Variants in BBS9 observed in about 807,000 individuals in gnomAD.
BBS9 encodes the protein protein PTHB1.
In BBS9, 89 loss-of-function variants were observed where a neutral mutation model predicts 117.7. The ratio of observed to expected loss-of-function variants is 0.76; its 90% CI spans 0.64 to 0.90. The LOEUF is 0.90. Ranked by LOEUF, BBS9 falls within the 40% of genes least tolerant of loss-of-function variation. BBS9 has a pLI of 0.00. For synonymous variants in BBS9, 379 were observed against 370.9 expected (o/e 1.02, Z -0.25); for missense variants, 982 against 1,042.2 (o/e 0.94, Z 0.80).
intron 21 of BBS9, among the ~76,000 whole-genome samples, chr7:33,564,550 C>T (rs1391595960): frequency 6.6e-6 from 1 of 152,122 alleles, no homozygotes; most frequent in Non-Finnish European, 1.5e-5. Context: ...GGGAAATGTT[C>T]AATTCACGAT....
chr7:33,601,940 A>T (rs1349343417), intron 21 of BBS9, among the ~76,000 whole-genome samples: 1 of 152,126 alleles, frequency 6.6e-6, no homozygotes, highest in Non-Finnish European at 1.5e-5. Flanking sequence ...GTGCTTTCAG[A>T]TGGATGGCCA....
At chr7:33,186,822 T>G (rs1783211832) in intron 5 of BBS9, among the ~76,000 whole-genome samples, 2 of 152,198 alleles carry the variant, frequency 1.3e-5, no homozygotes. Flanking sequence ...TTAGTTTATC[T>G]TTGTTTTTTA....
chr7:33,492,221 AAAAC>A (rs1563251750), intron 19 of BBS9, among the ~76,000 whole-genome samples: 16 of 148,500 alleles, frequency 1.1e-4, no homozygotes, highest in African/African-American at 4.0e-4. Context: ...AAACAAAAAA[AAAAC>A]AAAAAAAAAA....
intron 21 of BBS9, among the ~76,000 whole-genome samples, chr7:33,618,499 A>G (rs1865253299): frequency 6.6e-6 from 1 of 152,184 alleles, no homozygotes; most frequent in Non-Finnish European, 1.5e-5. Context: ...AAATTAAAAG[A>G]CAAAAGTAAT....
At chr7:33,152,603 T>A (rs1793508744) in intron 2 of BBS9, 98 bp from the exon 3 acceptor site, 1 of 1,191,546 alleles carries the variant, frequency 8.4e-7, no homozygotes, top group East Asian at 2.5e-5. Flanking sequence ...TTCTTTTAAT[T>A]TTTAGATTTC....
intron 21 of BBS9, among the ~76,000 whole-genome samples, chr7:33,582,865 C>T (rs530352236): frequency 2.0e-5 from 3 of 152,216 alleles, no homozygotes; most frequent in East Asian, 1.9e-4. Context: ...TGGTGTTGCA[C>T]GTCTGCTCAG....
At chr7:33,524,493 G>A (rs372390057) in intron 20 of BBS9, among the ~76,000 whole-genome samples, 52 of 152,198 alleles carry the variant, frequency 3.4e-4, no homozygotes, top group Admixed American at 1.1e-3. Flanking sequence ...TGTATGTGTC[G>A]AGGAATTTAT....
chr7:33,292,804 G>A (rs1165818052), intron 9 of BBS9, among the ~76,000 whole-genome samples: 4 of 151,964 alleles, frequency 2.6e-5, no homozygotes, highest in East Asian at 3.9e-4. Context: ...TCAGGACTTC[G>A]AGACCAGCCT....
intron 20 of BBS9, among the ~76,000 whole-genome samples, chr7:33,524,599 C>T (rs1372852167): frequency 6.6e-6 from 1 of 151,894 alleles, no homozygotes; most frequent in East Asian, 1.9e-4. Context: ...GGTGATATCC[C>T]CTTTATCATT....
intron 19 of BBS9, among the ~76,000 whole-genome samples, chr7:33,444,350 C>T (rs1836667190): frequency 1.3e-5 from 2 of 152,108 alleles, no homozygotes; most frequent in South Asian, 4.1e-4. Context: ...GAAGTAGTCA[C>T]TAAATATGAT....
intron 5 of BBS9, among the ~76,000 whole-genome samples, chr7:33,254,666 C>T (rs1796739831): frequency 6.6e-6 from 1 of 152,094 alleles, no homozygotes. Flanking sequence ...CCTTGCTTTC[C>T]CCATCCCTGA....
intron 20 of BBS9, among the ~76,000 whole-genome samples, chr7:33,521,778 G>T (rs2129042698): frequency 1.3e-5 from 2 of 150,938 alleles, no homozygotes; most frequent in African/African-American, 4.9e-5. Flanking sequence ...TAAGTTTTAG[G>T]GTACATGTGC....
intron 9 of BBS9, among the ~76,000 whole-genome samples, chr7:33,323,833 CT>C (rs1227126451): frequency 0.013 from 1,359 of 105,136 alleles, 12 homozygotes; most frequent in African/African-American, 0.043. Context: ...TCCTGTCTTC[CT>C]TTTTTTTTTT....
chr7:33,267,614 A>C (rs1167389131), intron 7 of BBS9, among the ~76,000 whole-genome samples: 1 of 152,070 alleles, frequency 6.6e-6, no homozygotes, highest in East Asian at 1.9e-4. Flanking sequence ...CCTTATATAT[A>C]ATATAAGAAG....
At chr7:33,458,143 A>G (rs1444879949) in intron 19 of BBS9, among the ~76,000 whole-genome samples, 16 of 152,162 alleles carry the variant, frequency 1.1e-4, no homozygotes, top group Admixed American at 1.0e-3. Flanking sequence ...TTTTTGAATA[A>G]TGCTTATTAT....
At chr7:33,255,359 T>TG (rs1362575146) in intron 5 of BBS9, among the ~76,000 whole-genome samples, 7 of 151,494 alleles carry the variant, frequency 4.6e-5, no homozygotes, top group Non-Finnish European at 1.0e-4. Context: ...TTTTTTTTTT[T>TG]TTTTGCATGT....
Position 33,386,162 on chromosome 7 carries a change from T to C in BBS9, c.1963-1830T>C, listed in dbSNP as rs183408069. 7.0e-3 allele frequency among the ~76,000 whole-genome samples: 1,071 copies of C among 152,186 alleles called. 17 individuals carry two copies. The highest frequency in any genetic ancestry group is 0.025 in the African/African-American group (1,026 of 41,522). ...ATAAAAAAATAAAAAGAAGAAAATG[T>C]CTCTCAAAACTGAAGGGTAAATAAA... On this transcript the variant is annotated intron_variant, in intron 18 of 22. Transcript: ENST00000242067.
intron 5 of BBS9, among the ~76,000 whole-genome samples, chr7:33,197,746 G>T (rs1008446584): frequency 1.3e-5 from 2 of 151,482 alleles, no homozygotes; most frequent in African/African-American, 4.8e-5. Flanking sequence ...TATTTATGTG[G>T]ACAATACAAA....
At chr7:33,527,863 A>C (rs1044195406) in intron 20 of BBS9, among the ~76,000 whole-genome samples, 1 of 152,208 alleles carries the variant, frequency 6.6e-6, no homozygotes, top group African/African-American at 2.4e-5. Context: ...CAGTCAAGCA[A>C]ATAATATTTG....
Sources: allele counts gnomAD v4.1 joint callset (sites outside exome capture counted in the v4.1 genomes callset), GRCh38; gene constraint gnomAD v4.1.1; transcripts MANE v1.5; gene names NCBI Gene and HGNC (gene_info 2026-07-23, HGNC 2026-07-21).